The following SUGCT variants were observed in gnomAD, a reference collection of about 807,000 sequenced individuals.
SUGCT encodes the protein succinyl-CoA:glutarate CoA-transferase.
A neutral mutation model predicts 55.0 loss-of-function variants in SUGCT; 41 were observed. That is an observed-to-expected ratio of 0.74 (90% confidence interval 0.58 to 0.97). The LOEUF (loss-of-function observed/expected upper bound fraction) is 0.97. Among genes scored for constraint, SUGCT ranks in the 50% least tolerant of loss-of-function variants. SUGCT has a pLI of 0.00. For synonymous variants in SUGCT, 187 were observed against 200.4 expected, an observed-to-expected ratio of 0.93 and a Z score of 0.56; for missense variants, 568 against 547.8, an observed-to-expected ratio of 1.04 and a Z score of -0.37.
the SUGCT span, among the ~76,000 whole-genome samples, chr7:40,982,719 C>T: frequency 1.2e-3 from 182 of 152,090 alleles, no homozygotes; most frequent in African/African-American, 4.0e-3. Flanking sequence ...GGCATGATCT[C>T]GGCTCACTGC....
intron 1 of SUGCT, among the ~76,000 whole-genome samples, chr7:40,137,697 A>T (rs1366673291): frequency 6.6e-6 from 1 of 152,028 alleles, no homozygotes; most frequent in East Asian, 1.9e-4. Context: ...TTATTTAAGT[A>T]TTGAGACATG....
Position 40,443,545 on chromosome 7 carries a change from C to T in SUGCT, c.817-5742C>T, listed in dbSNP as rs561219428. On this transcript the variant is annotated intron_variant, in intron 9 of 13. Transcript: ENST00000335693. ...TCTTTTGAGAAGTGTCTGTTCATAT[C>T]CTTTGCCCACTTTTTGATGGGGTGT... Among the ~76,000 whole-genome samples, 8 of 152,208 alleles carry T rather than the reference C, an allele frequency of 5.3e-5. No homozygotes were observed. In the South Asian group the frequency reaches 1.2e-3, roughly 24 times the overall value.
intron 12 of SUGCT, among the ~76,000 whole-genome samples, chr7:40,575,335 A>C (rs371306849): frequency 8.5e-5 from 13 of 152,144 alleles, no homozygotes; most frequent in Non-Finnish European, 1.5e-4. Context: ...GTTATTTAAA[A>C]AACAACAACA....
intron 8 of SUGCT, among the ~76,000 whole-genome samples, chr7:40,290,753 T>C (rs1793687860): frequency 6.6e-6 from 1 of 152,128 alleles, no homozygotes; most frequent in Admixed American, 6.5e-5. Flanking sequence ...CTCAACCTAC[T>C]CATCTGACAA....
chr7:40,564,644 T>C (rs1266819279), intron 12 of SUGCT, among the ~76,000 whole-genome samples: 1 of 152,196 alleles, frequency 6.6e-6, no homozygotes, highest in Non-Finnish European at 1.5e-5. Flanking sequence ...ATCTTGACAA[T>C]GAAGAAAATT....
chr7:40,517,764 C>G (rs1793323364), intron 12 of SUGCT, among the ~76,000 whole-genome samples: 1 of 152,052 alleles, frequency 6.6e-6, no homozygotes, highest in South Asian at 2.1e-4. Context: ...ATTTTCACCA[C>G]TTATGGTTGA....
At chr7:40,244,608 A>G (rs1171086093) in intron 7 of SUGCT, among the ~76,000 whole-genome samples, 2 of 152,230 alleles carry the variant, frequency 1.3e-5, no homozygotes, top group East Asian at 3.8e-4. Context: ...AATCAAGTTT[A>G]CAAGCATTGT....
chr7:40,840,357 A>C (rs1265981719), intron 13 of SUGCT, among the ~76,000 whole-genome samples: 2 of 152,168 alleles, frequency 1.3e-5, no homozygotes, highest in African/African-American at 4.8e-5. Flanking sequence ...ACCACCACAA[A>C]ATCATAGAAT....
intron 8 of SUGCT, among the ~76,000 whole-genome samples, chr7:40,292,466 G>A (rs1793850518): frequency 6.6e-6 from 1 of 152,134 alleles, no homozygotes; most frequent in South Asian, 2.1e-4. Context: ...TTTAAAGGAA[G>A]CGGCAGACAC....
At chr7:40,277,100 A>T (rs564247750) in intron 8 of SUGCT, among the ~76,000 whole-genome samples, 1 of 152,280 alleles carries the variant, frequency 6.6e-6, no homozygotes, top group South Asian at 2.1e-4. Flanking sequence ...TAATGATGAG[A>T]TTATTTGCTT....
chr7:41,027,529 G>A, the SUGCT span, among the ~76,000 whole-genome samples: 3 of 152,310 alleles, frequency 2.0e-5, no homozygotes, highest in Admixed American at 2.0e-4. Context: ...ATGTTCTGCG[G>A]TGTAAGAAGC....
In SUGCT at chr7:40,502,142, G is replaced by A. The variant is rs145054238; in HGVS notation, c.1089+5756G>A. Reference sequence around the variant, plus strand: ...TAACATTATTCTTTCTCTGTTTCTCGCTCTTTCTCTAGCATGTGCTATAGT... The same window carrying A: ...TAACATTATTCTTTCTCTGTTTCTCACTCTTTCTCTAGCATGTGCTATAGT... On this transcript the variant is annotated intron_variant, in intron 12 of 13. Transcript: ENST00000335693. 5.3e-3 allele frequency among the ~76,000 whole-genome samples: 799 copies of A among 151,750 alleles called. 10 individuals carry two copies. Among genetic ancestry groups the A allele is most frequent in the African/African-American group, 0.018 (748 of 41,394 alleles).
At chr7:40,279,972 C>T (rs1792845558) in intron 8 of SUGCT, among the ~76,000 whole-genome samples, 2 of 151,956 alleles carry the variant, frequency 1.3e-5, no homozygotes, top group African/African-American at 2.4e-5. Flanking sequence ...ACACATTTTC[C>T]TACTCATTTT....
chr7:40,825,939 T>C (rs1792290291), intron 13 of SUGCT, among the ~76,000 whole-genome samples: 1 of 152,254 alleles, frequency 6.6e-6, no homozygotes, highest in East Asian at 1.9e-4. Flanking sequence ...TTATTTATAA[T>C]ATGCATGTTA....
the SUGCT span, among the ~76,000 whole-genome samples, chr7:40,944,562 C>A: frequency 6.6e-6 from 1 of 151,944 alleles, no homozygotes; most frequent in Non-Finnish European, 1.5e-5. Context: ...GCTTGTTTTT[C>A]TCAGGTTTGT....
At chr7:40,177,901 C>T (rs777002913) in intron 1 of SUGCT, among the ~76,000 whole-genome samples, 3 of 152,244 alleles carry the variant, frequency 2.0e-5, no homozygotes, top group East Asian at 1.9e-4. Context: ...TGGTGCTCCT[C>T]GCCACACCCA....
the SUGCT span, among the ~76,000 whole-genome samples, chr7:40,874,082 A>G: frequency 6.6e-6 from 1 of 152,242 alleles, no homozygotes; most frequent in Non-Finnish European, 1.5e-5. Flanking sequence ...AAATTTAGTT[A>G]AAGGAGCCAT....
intron 12 of SUGCT, among the ~76,000 whole-genome samples, chr7:40,705,846 T>C (rs1483406698): frequency 1.3e-5 from 2 of 152,138 alleles, no homozygotes; most frequent in African/African-American, 4.8e-5. Flanking sequence ...TGGTGGCATA[T>C]CTCAGAAACT....
At chr7:40,614,917 A>G (rs533641311) in intron 12 of SUGCT, among the ~76,000 whole-genome samples, 8 of 152,084 alleles carry the variant, frequency 5.3e-5, no homozygotes, top group Non-Finnish European at 7.4e-5. Context: ...ATAGCCGGGC[A>G]TGGTAGCAGG....
Sources: gnomAD v4.1 joint callset for allele counts (sites outside exome capture counted in the v4.1 genomes callset) on GRCh38, gnomAD v4.1.1 for gene constraint, MANE v1.5 for transcripts, NCBI Gene and HGNC (gene_info 2026-07-23, HGNC 2026-07-21) for gene names.